Variants in RRP7A observed in about 807,000 individuals in gnomAD.
RRP7A encodes ribosomal RNA-processing protein 7 homolog A.
RRP7A carries 27 observed loss-of-function variants against 38.4 expected under a neutral mutation model. That is an observed-to-expected ratio of 0.70 (90% confidence interval 0.52 to 0.97). The LOEUF (loss-of-function observed/expected upper bound fraction) is 0.97. Among genes scored for constraint, RRP7A ranks in the 50% least tolerant of loss-of-function variants. The pLI, the probability that RRP7A is intolerant of heterozygous loss-of-function variation, is 0.00. For synonymous variants in RRP7A, 124 were observed against 150.3 expected, an observed-to-expected ratio of 0.83 and a Z score of 1.28; for missense variants, 327 against 375.4, an observed-to-expected ratio of 0.87 and a Z score of 1.07.
At position 42,514,402 on chromosome 22, in the gene RRP7A, C is replaced by T. The variant is rs575366103; in HGVS notation, c.559-98G>A. On this transcript the variant is annotated intron_variant, in intron 5 of 6. Coordinates refer to ENST00000323013, the MANE Select transcript of RRP7A (RefSeq NM_015703.5). ...TCCCAAAGTCAGAACTGCCCTGAGC[C>T]CCCGCAGGGGAGGGCTGCTCCCCTC... 364 of 855,310 alleles carry T rather than the reference C, an allele frequency of 4.3e-4. 1 individual carries two copies. In the African/African-American group the frequency reaches 5.6e-3, roughly 13 times the overall value. The allele number at this position is 855,310 out of a possible 1,614,324, so 53.0% of individuals were successfully genotyped here. A position where few individuals can be genotyped will look rare whatever the true frequency, so the allele number is the denominator to read the frequency against.
Position 42,514,733 on chromosome 22 carries a change from C to T in RRP7A, c.507G>A (p.Leu169=), listed in dbSNP as rs765772565. 3 of 1,611,902 alleles carry T rather than the reference C, an allele frequency of 1.9e-6. No individual in the cohort carries two copies. The Admixed American group carries it at 5.0e-5, about 27-fold the overall frequency. Residue 169 remains leucine (L), a synonymous_variant, in exon 5 of 7, where the codon CTG becomes CTA. Coordinates refer to ENST00000323013, the MANE Select transcript of RRP7A (RefSeq NM_015703.5). ...YADSVPDPEA[L]RVEVDTFMEA... is the part of the protein sequence containing the mutation. The stretch of plus-strand genomic sequence containing the variant: ...CCATGAACGTGTCCACTTCCACCCT[C>T]AGGGCCTCAGGGTCGGGCACAGAGT...
At position 42,510,850 on chromosome 22, in the gene RRP7A, G is replaced by A; in HGVS notation, c.*2060C>T. ...CCCCAGGCCCAACAAGTGACCACCAGGATCTATCAGGCCTCATGCTCCAGT... is the reference window on the plus strand; with the variant it reads ...CCCCAGGCCCAACAAGTGACCACCAAGATCTATCAGGCCTCATGCTCCAGT... On this transcript the variant is annotated 3_prime_UTR_variant, in exon 7 of 7. Transcript: ENST00000323013. The A allele has an allele frequency of 8.9e-7, 1 of 1,120,646 alleles. No individual in the cohort carries two copies. Among genetic ancestry groups the A allele is most frequent in the Non-Finnish European group, 1.1e-6 (1 of 884,262 alleles). 69.4% of individuals were successfully genotyped at this position (1,120,646 alleles called of 1,614,324 possible).
At chr22:42,513,922 G>A (rs1485830970) in intron 6 of RRP7A, among the ~76,000 whole-genome samples, 184 bp downstream of exon 6, 28 of 151,950 alleles carry the variant, frequency 1.8e-4, no homozygotes, top group African/African-American at 5.8e-4. Context: ...ATGGGGAACC[G>A]CCACACAGGG....
chr22:42,519,328 G>T (rs913187458), intron 1 of RRP7A, among the ~76,000 whole-genome samples: 7 of 151,718 alleles, frequency 4.6e-5, no homozygotes, highest in African/African-American at 1.7e-4. Context: ...GAGGGCAACC[G>T]AGTAGGAGGG....
intron 4 of RRP7A, 108 bp from the exon 5 acceptor site, chr22:42,514,887 A>G: frequency 1.0e-6 from 1 of 962,054 alleles, no homozygotes; most frequent in Non-Finnish European, 1.6e-6. Context: ...GGCCCGGGGC[A>G]CAGGTGCTAA....
intron 3 of RRP7A, 73 bp downstream of exon 3, chr22:42,515,938 C>T (rs1397612011): frequency 1.3e-6 from 2 of 1,507,034 alleles, no homozygotes; most frequent in Non-Finnish European, 1.8e-6. Context: ...GTCCCACTGC[C>T]AGCTCCCCCA....
Position 42,518,099 on chromosome 22 carries a change from T to C in RRP7A, c.122A>G (p.Tyr41Cys), listed in dbSNP as rs1184744414. The change falls in exon 2 of 7, where the codon TAT becomes TGT. Residue 41 changes from tyrosine to cysteine, a missense_variant. Tyr to Cys is a radical substitution (Grantham distance 194). This residue lies in a region of RRP7A where 183 missense variants were observed against 141.8 expected (regional missense o/e 1.29). Coordinates refer to ENST00000323013, the MANE Select transcript of RRP7A (RefSeq NM_015703.5). ...SEKQQASHYLYVRAHGVRQGT... is the reference protein window; with the variant it reads ...SEKQQASHYLCVRAHGVRQGT... ...TTGTCGAACGCCGTGTGCTCTCACA[T>C]AGAGGTAGTGAGAAGCCTGTTGCTT... The C allele has an allele frequency of 1.2e-5, 19 of 1,613,630 alleles. No individual in the cohort carries two copies. The highest frequency in any genetic ancestry group is 9.4e-5 in the African/African-American group (7 of 74,846).
chr22:42,517,020 G>A (rs908260856), intron 2 of RRP7A, among the ~76,000 whole-genome samples: 3 of 152,128 alleles, frequency 2.0e-5, no homozygotes, highest in African/African-American at 7.2e-5. Context: ...GCTCACGCAT[G>A]TAATCCCAGC....
At position 42,512,875 on chromosome 22, in the gene RRP7A, C is replaced by A; in HGVS notation, c.*35G>T. ...GGCCCTGCCTCGCCTCCTCCTGGCC[C>A]TGCACCTCCAGCCATTCACTGCGGC... On this transcript the variant is annotated 3_prime_UTR_variant, in exon 7 of 7. Coordinates refer to ENST00000323013, the MANE Select transcript of RRP7A (RefSeq NM_015703.5). 2.5e-6 allele frequency: 4 copies of A among 1,603,760 alleles called. No homozygotes were observed. The highest frequency in any genetic ancestry group is 2.6e-6 in the Non-Finnish European group (3 of 1,172,456).
In RRP7A at chr22:42,516,172, C is replaced by T. The variant is rs766416710; in HGVS notation, c.217-36G>A. The T allele has an allele frequency of 6.9e-5, 111 of 1,609,422 alleles. No homozygotes were observed. In the African/African-American group the frequency reaches 8.8e-4, roughly 13 times the overall value. Reference sequence around the variant, plus strand: ...GAGAGGGAAGCCAAGTGTGAGCATCCGCAGGGCCATCCCAAAGCCTCCCTG... The same window carrying T: ...GAGAGGGAAGCCAAGTGTGAGCATCTGCAGGGCCATCCCAAAGCCTCCCTG... On this transcript the variant is annotated intron_variant, in intron 2 of 6. Transcript: ENST00000323013.
intron 6 of RRP7A, among the ~76,000 whole-genome samples, chr22:42,513,604 G>C (rs1391060874): frequency 1.6e-5 from 2 of 128,626 alleles, no homozygotes; most frequent in East Asian, 4.5e-4. Flanking sequence ...ACACCAGGCA[G>C]TGGGGCAGGA....
In RRP7A at chr22:42,509,062, T is replaced by C. The variant is rs754405074; in HGVS notation, c.*3848A>G. Reference sequence around the variant, plus strand: ...AGCATTGACTTCGTCAGCAGGGAGCTGTGTGCGCATTCCATCAGGAAGCTG... The same window carrying C: ...AGCATTGACTTCGTCAGCAGGGAGCCGTGTGCGCATTCCATCAGGAAGCTG... On this transcript the variant is annotated 3_prime_UTR_variant, in exon 7 of 7. Transcript: ENST00000323013. 1.2e-6 allele frequency: 2 copies of C among 1,612,356 alleles called. No individual in the cohort carries two copies. The highest frequency in any genetic ancestry group is 3.3e-5 in the Admixed American group (2 of 60,004).
At position 42,508,653 on chromosome 22, in the gene RRP7A, C is replaced by T. The variant is rs1391213873; in HGVS notation, c.*4257G>A. On this transcript the variant is annotated 3_prime_UTR_variant, in exon 7 of 7. Coordinates refer to ENST00000323013, the MANE Select transcript of RRP7A (RefSeq NM_015703.5). ...GGCAGGGGACAGCGTGAGGTGCAGC[C>T]TATGGACTGGGAAAGGGGTGTGGAA... Among the ~76,000 whole-genome samples, 3 of 152,218 alleles carry T rather than the reference C, an allele frequency of 2.0e-5. No individual in the cohort carries two copies. Among genetic ancestry groups the T allele is most frequent in the African/African-American group, 7.2e-5 (3 of 41,448 alleles).
Position 42,508,430 on chromosome 22 carries a change from T to C in RRP7A, c.*4480A>G, listed in dbSNP as rs962798549. Among the ~76,000 whole-genome samples, 2 of 152,136 alleles carry C rather than the reference T, an allele frequency of 1.3e-5. No individual in the cohort carries two copies. The highest frequency in any genetic ancestry group is 2.9e-5 in the Non-Finnish European group (2 of 68,016). On this transcript the variant is annotated 3_prime_UTR_variant, in exon 7 of 7. Transcript: ENST00000323013. ...TGATTGCATTATTTTGCATGCTGTT[T>C]TCCAAATCCAGCTTCGTGTCACACC...
intron 2 of RRP7A, among the ~76,000 whole-genome samples, chr22:42,517,750 C>T (rs1232142988): frequency 6.6e-6 from 1 of 152,184 alleles, no homozygotes; most frequent in Non-Finnish European, 1.5e-5. Flanking sequence ...GAACTCCTCC[C>T]TTCAGGTGAT....
At position 42,511,665 on chromosome 22, in the gene RRP7A, G is replaced by A. The variant is rs374789246; in HGVS notation, c.*1245C>T. On this transcript the variant is annotated 3_prime_UTR_variant, in exon 7 of 7. Coordinates refer to ENST00000323013, the MANE Select transcript of RRP7A (RefSeq NM_015703.5). The stretch of plus-strand genomic sequence containing the variant: ...CTGGGGCCTCTGCAGTTTTCTTGGC[G>A]TTGTCACCACAAAAGGAAGAAGCCC... 4.0e-5 allele frequency: 7 copies of A among 174,922 alleles called. No individual in the cohort carries two copies. In the East Asian group the frequency reaches 5.1e-4, roughly 13 times the overall value. The allele number at this position is 174,922 out of a possible 1,614,324, so 10.8% of individuals were successfully genotyped here.
At chr22:42,516,198 C>T (rs779661301) in intron 2 of RRP7A, 62 bp from the exon 3 acceptor site, 52 of 1,599,076 alleles carry the variant, frequency 3.3e-5, no homozygotes, top group Non-Finnish European at 4.2e-5. Flanking sequence ...AGCCTCCCTG[C>T]ACCATGGGTG....
At chr22:42,519,330 G>A (rs1293092423) in intron 1 of RRP7A, among the ~76,000 whole-genome samples, 1 of 151,732 alleles carries the variant, frequency 6.6e-6, no homozygotes, top group Admixed American at 6.6e-5. Flanking sequence ...GGGCAACCGA[G>A]TAGGAGGGCC....
intron 6 of RRP7A, 41 bp from the exon 7 acceptor site, chr22:42,513,036 G>GC (rs770450993): frequency 3.2e-6 from 5 of 1,558,454 alleles, no homozygotes; most frequent in African/African-American, 2.7e-5. Context: ...CAGACAGCGC[G>GC]CCCCGGGGAA....
Sources: allele counts gnomAD v4.1 joint callset (sites outside exome capture counted in the v4.1 genomes callset), GRCh38; gene constraint gnomAD v4.1.1; regional missense constraint gnomAD v4.1.1; transcripts MANE v1.5; gene names NCBI Gene and HGNC (gene_info 2026-07-23, HGNC 2026-07-21).